ATP10A: variants seen among roughly 807,000 people sequenced by gnomAD.
ATP10A encodes phospholipid-transporting ATPase VA.
ATP10A carries 111 observed loss-of-function variants against 147.8 expected under a neutral mutation model. The ratio of observed to expected loss-of-function variants is 0.75; its 90% CI spans 0.64 to 0.88. The LOEUF (loss-of-function observed/expected upper bound fraction) is 0.88, where lower values mean the gene tolerates loss of function less well. Ranked by LOEUF, ATP10A falls within the 40% of genes least tolerant of loss-of-function variation. ATP10A has a pLI of 0.00. For missense variants in ATP10A, 1,927 were observed against 1,959.0 expected (o/e 0.98, Z 0.31); for synonymous variants, 875 against 841.6 (o/e 1.04, Z -0.69).
At chr15:25,792,979 T>C (rs888451386) in intron 1 of ATP10A, among the ~76,000 whole-genome samples, 12 of 150,496 alleles carry the variant, frequency 8.0e-5, no homozygotes, top group African/African-American at 2.9e-4. Context: ...CAAGCAATTC[T>C]CCTGCCTCAG....
chr15:25,691,646 C>T (rs761754849), intron 15 of ATP10A, 69 bp downstream of exon 15: 60 of 1,531,752 alleles, frequency 3.9e-5, no homozygotes, highest in Non-Finnish European at 5.2e-5. Flanking sequence ...CGGGGACAGC[C>T]CACAGGGTGA....
intron 2 of ATP10A, among the ~76,000 whole-genome samples, chr15:25,746,727 CAAAGA>C (rs575482537): frequency 6.6e-6 from 1 of 152,066 alleles, no homozygotes; most frequent in Non-Finnish European, 1.5e-5. Flanking sequence ...ACCAATTAGT[CAAAGA>C]AAAGAAGTCA....
chr15:25,854,356 G>T (rs1893418190), intron 1 of ATP10A, among the ~76,000 whole-genome samples: 1 of 152,152 alleles, frequency 6.6e-6, no homozygotes, highest in Non-Finnish European at 1.5e-5. Flanking sequence ...AATGACATCA[G>T]TCATGGAGTA....
chr15:25,799,384 C>T lies in ATP10A; in HGVS notation c.450-18161G>A, dbSNP rs371975956. Among the ~76,000 whole-genome samples, 21 of 152,288 alleles carry T rather than the reference C, an allele frequency of 1.4e-4. No individual in the cohort carries two copies. The East Asian group carries it at 3.7e-3, about 27-fold the overall frequency. ...TGATGTGTTGGGTGCTCAAATGTAG[C>T]TTCTGGGAATTTACAGCCTCTAAAG... is the stretch of plus-strand genomic sequence containing the variant. On this transcript the variant is annotated intron_variant, in intron 1 of 20. Coordinates refer to ENST00000555815, the MANE Select transcript of ATP10A (RefSeq NM_024490.4).
intron 1 of ATP10A, among the ~76,000 whole-genome samples, chr15:25,853,301 C>G (rs2140913614): frequency 6.6e-6 from 1 of 152,320 alleles, no homozygotes; most frequent in Non-Finnish European, 1.5e-5. Flanking sequence ...TACAAATGTG[C>G]ACAGTGGGCT....
Position 25,679,832 on chromosome 15 carries a change from C to T in ATP10A, c.4009G>A (p.Glu1337Lys), listed in dbSNP as rs773839498. Reference protein sequence around the residue: ...QGRLPKDSGTEHSSGRTVKTS... With the variant: ...QGRLPKDSGTKHSSGRTVKTS... ...TTGACTGTCCTCCCTGATGAGTGCT[C>T]GGTTCCCGAGTCCTTCGGGAGGCGT... The change falls in exon 21 of 21, where the codon GAG becomes AAG. Residue 1337 changes from glutamate (E) to lysine (K), a missense_variant. Glu to Lys is a moderately conservative substitution (Grantham distance 56, BLOSUM62 1). Transcript: ENST00000555815. 9.3e-6 allele frequency: 15 copies of T among 1,611,536 alleles called. No individual in the cohort carries two copies. The African/African-American group carries it at 1.1e-4, about 11-fold the overall frequency.
intron 1 of ATP10A, among the ~76,000 whole-genome samples, chr15:25,850,650 C>A (rs959088296): frequency 5.4e-5 from 8 of 149,230 alleles, no homozygotes; most frequent in African/African-American, 1.0e-4. Flanking sequence ...CCTCCCCCCC[C>A]AGCCCCGGTG....
chr15:25,676,800 T>C (rs1305988553), downstream of ATP10A, among the ~76,000 whole-genome samples: 1 of 152,200 alleles, frequency 6.6e-6, no homozygotes, highest in Admixed American at 6.5e-5. Context: ...TTCAACCCAC[T>C]ATCTTTATAC....
chr15:25,687,558 A>C, intron 16 of ATP10A, 145 bp downstream of exon 16: 2 of 572,782 alleles, frequency 3.5e-6, no homozygotes, highest in Admixed American at 3.6e-5. Flanking sequence ...AGCCCAGGAC[A>C]GGGGACAATT....
chr15:25,806,527 T>C (rs1252882275), intron 1 of ATP10A, among the ~76,000 whole-genome samples: 5 of 152,152 alleles, frequency 3.3e-5, no homozygotes, highest in South Asian at 4.2e-4. Flanking sequence ...TTAGCCAGGA[T>C]GGTCTCGATC....
Position 25,718,368 on chromosome 15 carries a change from G to C in ATP10A, c.1395C>G (p.Asp465Glu), listed in dbSNP as rs1901969428. The C allele has an allele frequency of 6.2e-7, 1 of 1,607,402 alleles. No homozygotes were observed. The highest frequency in any genetic ancestry group is 8.5e-7 in the Non-Finnish European group (1 of 1,178,730). Residue 465 changes from aspartate (D) to glutamate (E), a missense_variant, in exon 8 of 21, where the codon GAC becomes GAG. Transcript: ENST00000555815. ...AQRLARYQEA[D>E]SEEEEVVPRG... is the part of the protein sequence containing the mutation. Reference sequence around the variant, plus strand: ...TGGGCACCACCTCCTCCTCCTCCGAGTCTGCCTCTTGGTACCTGGCCAGAC... The same window carrying C: ...TGGGCACCACCTCCTCCTCCTCCGACTCTGCCTCTTGGTACCTGGCCAGAC...
chr15:25,811,425 A>G (rs1345097), intron 1 of ATP10A, among the ~76,000 whole-genome samples: 84,776 of 152,010 alleles, frequency 0.56, 24,641 homozygotes, highest in East Asian at 0.8. Context: ...AGGAACAAGA[A>G]GTAAGGATGA....
chr15:25,846,396 C>T (rs1178629277), intron 1 of ATP10A, among the ~76,000 whole-genome samples: 1 of 152,158 alleles, frequency 6.6e-6, no homozygotes, highest in Non-Finnish European at 1.5e-5. Context: ...CTGTGTGTGC[C>T]AGTGGAGCAC....
chr15:25,775,643 T>C (rs543150158), intron 2 of ATP10A, among the ~76,000 whole-genome samples: 1 of 152,360 alleles, frequency 6.6e-6, no homozygotes, highest in African/African-American at 2.4e-5. Flanking sequence ...CAGATCTTCC[T>C]GCAAGCCTGA....
intron 1 of ATP10A, among the ~76,000 whole-genome samples, chr15:25,844,884 G>A (rs1000919164): frequency 6.6e-5 from 10 of 152,204 alleles, no homozygotes; most frequent in Non-Finnish European, 1.5e-4. Context: ...TAAATGACAG[G>A]TTTCAGGCAT....
chr15:25,693,913 T>C (rs1186831615), intron 14 of ATP10A, among the ~76,000 whole-genome samples: 1 of 152,206 alleles, frequency 6.6e-6, no homozygotes, highest in African/African-American at 2.4e-5. Context: ...GCAGGGGCTG[T>C]CACAGACCTT....
At chr15:25,794,734 G>A (rs888828554) in intron 1 of ATP10A, among the ~76,000 whole-genome samples, 4 of 152,202 alleles carry the variant, frequency 2.6e-5, no homozygotes, top group Non-Finnish European at 4.4e-5. Context: ...AGGCTGAAAC[G>A]CAGAACTAAC....
intron 2 of ATP10A, among the ~76,000 whole-genome samples, chr15:25,761,324 C>G (rs1199335930): frequency 6.6e-6 from 1 of 152,148 alleles, no homozygotes; most frequent in Non-Finnish European, 1.5e-5. Flanking sequence ...AAAGACATAC[C>G]CGAGACTGGG....
intron 1 of ATP10A, among the ~76,000 whole-genome samples, chr15:25,815,968 A>C (rs995510135): frequency 3.3e-5 from 5 of 151,536 alleles, no homozygotes; most frequent in African/African-American, 1.2e-4. Context: ...TAGGGTGGAA[A>C]GTTTTAAGAA....
Sources: gnomAD v4.1 joint callset for allele counts (sites outside exome capture counted in the v4.1 genomes callset) on GRCh38, gnomAD v4.1.1 for gene constraint, MANE v1.5 for transcripts, NCBI Gene and HGNC (gene_info 2026-07-23, HGNC 2026-07-21) for gene names.